The following CAST variants were observed in gnomAD, a reference collection of about 807,000 sequenced individuals.
CAST encodes MIR583 host.
In CAST, 76 loss-of-function variants were observed where a neutral mutation model predicts 119.6. The ratio of observed to expected loss-of-function variants is 0.64; its 90% CI spans 0.53 to 0.77. The LOEUF is 0.77. Ranked by LOEUF, CAST falls within the 30% of genes least tolerant of loss-of-function variation. CAST has a pLI of 0.00. For synonymous variants in CAST, 319 were observed against 331.6 expected, an observed-to-expected ratio of 0.96 and a Z score of 0.41; for missense variants, 953 against 946.5, an observed-to-expected ratio of 1.01 and a Z score of -0.09.
chr5:96,665,504 T>C (rs1414944310), intron 1 of CAST, among the ~76,000 whole-genome samples: 2 of 152,190 alleles, frequency 1.3e-5, no homozygotes, highest in Admixed American at 6.5e-5. Flanking sequence ...ATGGACAGTA[T>C]AGCGCTAGAC....
intron 4 of CAST, 121 bp from the exon 5 acceptor site, chr5:96,726,673 C>A: frequency 1.5e-6 from 1 of 649,710 alleles, no homozygotes; most frequent in Middle Eastern, 3.3e-4. Flanking sequence ...TACACATATG[C>A]ATCGAGTAGA....
chr5:96,242,761 A>G, the CAST span, among the ~76,000 whole-genome samples: 6 of 152,326 alleles, frequency 3.9e-5, no homozygotes, highest in South Asian at 2.1e-4. Context: ...GGTGTTAGGC[A>G]TCTGTGCTAT....
the CAST span, among the ~76,000 whole-genome samples, chr5:96,036,910 A>G: frequency 6.6e-6 from 1 of 152,156 alleles, no homozygotes; most frequent in African/African-American, 2.4e-5. Flanking sequence ...TTGTAAATAA[A>G]ATGTCTGAGA....
chr5:96,363,515 C>A, the CAST span, among the ~76,000 whole-genome samples: 5 of 152,098 alleles, frequency 3.3e-5, no homozygotes, highest in African/African-American at 1.2e-4. Context: ...TGTCGTTGAG[C>A]AGTGGTTTGT....
chr5:96,186,797 C>T, the CAST span, among the ~76,000 whole-genome samples: 1 of 152,016 alleles, frequency 6.6e-6, no homozygotes, highest in East Asian at 1.9e-4. Flanking sequence ...CAAGGATATT[C>T]GCCTGAAGCT....
chr5:96,702,971 G>A (rs76539796), intron 3 of CAST: 128,089 of 983,784 alleles, frequency 0.13, 8,691 homozygotes, highest in Non-Finnish European at 0.14. Context: ...CGGGTCTAGG[G>A]CCTGTGCCCC....
chr5:96,765,153 C>A, intron 25 of CAST, 68 bp from the exon 26 acceptor site: 1 of 879,448 alleles, frequency 1.1e-6, no homozygotes, highest in Non-Finnish European at 1.9e-6. Context: ...AGATGGAGTT[C>A]CTGGGCTAAT....
chr5:96,020,358 A>G, the CAST span, among the ~76,000 whole-genome samples: 1 of 152,164 alleles, frequency 6.6e-6, no homozygotes, highest in South Asian at 2.1e-4. Flanking sequence ...CAAAAGTTAA[A>G]CCAGTTGTAA....
chr5:96,087,440 G>A, the CAST span, among the ~76,000 whole-genome samples: 3 of 151,676 alleles, frequency 2.0e-5, no homozygotes, highest in Non-Finnish European at 2.9e-5. Flanking sequence ...ATAGATTGTT[G>A]TTCATTCTTG....
chr5:96,408,923 G>A, the CAST span, among the ~76,000 whole-genome samples: 1 of 152,216 alleles, frequency 6.6e-6, no homozygotes, highest in East Asian at 1.9e-4. Context: ...AATGGAAAGT[G>A]TGCTGGACTT....
At chr5:96,290,770 G>T in the CAST span, among the ~76,000 whole-genome samples, 1 of 152,204 alleles carries the variant, frequency 6.6e-6, no homozygotes, top group East Asian at 1.9e-4. Flanking sequence ...TTACTCTCTA[G>T]TGGAAAGATT....
the CAST span, among the ~76,000 whole-genome samples, chr5:96,254,712 G>A: frequency 6.6e-6 from 1 of 152,120 alleles, no homozygotes; most frequent in African/African-American, 2.4e-5. Context: ...GAGTTATCAT[G>A]TTAGTTACAA....
the CAST span, among the ~76,000 whole-genome samples, chr5:96,414,953 A>G: frequency 0.91 from 138,173 of 152,296 alleles, 62,918 homozygotes; most frequent in African/African-American, 0.98. Flanking sequence ...TTCTAAAAAG[A>G]AATGCATAAC....
In CAST at chr5:96,726,757, A is replaced by C. The variant is rs903537306; in HGVS notation, c.271-37A>C. On this transcript the variant is annotated intron_variant, in intron 4 of 31. Coordinates refer to ENST00000675179, the MANE Select transcript of CAST (RefSeq NM_001750.7). ...ATGTTACTTATTTGACTGACAGATA[A>C]AATAAAATTATACCTGGGGCTGTGC... The C allele has an allele frequency of 2.7e-6, 4 of 1,457,958 alleles. No individual in the cohort carries two copies. In the African/African-American group the frequency reaches 5.7e-5, roughly 21 times the overall value. The allele number at this position is 1,457,958 out of a possible 1,614,324, so 90.3% of individuals were successfully genotyped here.
chr5:96,748,500 G>A lies in CAST; in HGVS notation c.1333-18G>A, dbSNP rs757142701. ...AAAAAGAGTCCCCTTGTAATATACA[G>A]CACTTCTTATATTACAGCCTCGGAG... is the stretch of plus-strand genomic sequence containing the variant. On this transcript the variant is annotated intron_variant, in intron 18 of 31. Coordinates refer to ENST00000675179, the MANE Select transcript of CAST (RefSeq NM_001750.7). 11 of 1,271,544 alleles carry A rather than the reference G, an allele frequency of 8.7e-6. No individual in the cohort carries two copies. The highest frequency in any genetic ancestry group is 1.1e-5 in the Non-Finnish European group (10 of 880,740). The allele number at this position is 1,271,544 out of a possible 1,614,324, so 78.8% of individuals were successfully genotyped here.
intron 1 of CAST, among the ~76,000 whole-genome samples, chr5:96,602,134 T>G (rs185189046): frequency 6.6e-6 from 1 of 152,216 alleles, no homozygotes; most frequent in Non-Finnish European, 1.5e-5. Flanking sequence ...ATGAGAATAC[T>G]CAAAGGAGTG....
chr5:96,366,682 G>T, the CAST span, among the ~76,000 whole-genome samples: 6 of 152,116 alleles, frequency 3.9e-5, no homozygotes, highest in East Asian at 1.2e-3. Flanking sequence ...GCTCCATCAG[G>T]TCATTTAAGT....
chr5:96,406,184 A>G, the CAST span, among the ~76,000 whole-genome samples: 2 of 152,162 alleles, frequency 1.3e-5, no homozygotes, highest in African/African-American at 4.8e-5. Flanking sequence ...CCTTCATTTT[A>G]TAGATGGAAA....
chr5:96,558,403 A>T (rs1043718470), intron 1 of CAST, among the ~76,000 whole-genome samples: 1 of 152,080 alleles, frequency 6.6e-6, no homozygotes, highest in Non-Finnish European at 1.5e-5. Context: ...CTTCAAAAAA[A>T]TCAGTGAATC....
Sources: gnomAD v4.1 joint callset for allele counts (sites outside exome capture counted in the v4.1 genomes callset) on GRCh38, gnomAD v4.1.1 for gene constraint, MANE v1.5 for transcripts, NCBI Gene and HGNC (gene_info 2026-07-23, HGNC 2026-07-21) for gene names.